The following DDX10 variants were observed in gnomAD, a reference collection of about 807,000 sequenced individuals.
The protein encoded by DDX10 is probable ATP-dependent RNA helicase DDX10.
In DDX10, 74 loss-of-function variants were observed where a neutral mutation model predicts 104.3. That is an observed-to-expected ratio of 0.71 (90% CI 0.59 to 0.86). The LOEUF is 0.86. Among genes scored for constraint, DDX10 ranks in the 40% least tolerant of loss-of-function variants. The probability of loss-of-function intolerance (pLI) is 0.00; values close to 1 mark genes in which losing one functional copy is unlikely to be tolerated. For missense variants in DDX10, 952 were observed against 1,040.0 expected, an observed-to-expected ratio of 0.92 and a Z score of 1.16; for synonymous variants, 351 against 353.4, an observed-to-expected ratio of 0.99 and a Z score of 0.08.
intron 16 of DDX10, among the ~76,000 whole-genome samples, chr11:108,878,790 G>T (rs945765115): frequency 8.7e-5 from 13 of 149,910 alleles, no homozygotes; most frequent in East Asian, 1.9e-4. Flanking sequence ...TAACATAGTT[G>T]TTTTTTTTTT....
At chr11:108,801,829 A>T (rs1862025376) in intron 13 of DDX10, among the ~76,000 whole-genome samples, 1 of 152,178 alleles carries the variant, frequency 6.6e-6, no homozygotes, top group Admixed American at 6.5e-5. Context: ...TGGTAGAATG[A>T]TTATCTTGAG....
chr11:108,823,538 G>T (rs1487196119), intron 13 of DDX10, among the ~76,000 whole-genome samples: 1 of 152,102 alleles, frequency 6.6e-6, no homozygotes, highest in Non-Finnish European at 1.5e-5. Flanking sequence ...TACAAAAAAT[G>T]GTAACCAGGT....
At chr11:108,836,042 G>T (rs1862551090) in intron 13 of DDX10, among the ~76,000 whole-genome samples, 1 of 152,180 alleles carries the variant, frequency 6.6e-6, no homozygotes, top group Admixed American at 6.5e-5. Context: ...CCTGCCTCCA[G>T]ACCTTGGTGT....
At chr11:108,752,315 T>C (rs773273052) in intron 13 of DDX10, among the ~76,000 whole-genome samples, 3 of 152,088 alleles carry the variant, frequency 2.0e-5, no homozygotes, top group Non-Finnish European at 2.9e-5. Context: ...AGAAAACAAA[T>C]GGTGTCCTAG....
In DDX10 at chr11:108,825,997, TAAAG is replaced by T. The variant is rs570160553; in HGVS notation, c.1966-12447_1966-12444del. Reference sequence around the variant, plus strand: ...AGATATAATTCATGAAGTGTCAAGATAAAGAGTCAAGTATTTCATAAAAATTAAT... The same window carrying T: ...AGATATAATTCATGAAGTGTCAAGATAGTCAAGTATTTCATAAAAATTAAT... On this transcript the variant is annotated intron_variant, in intron 13 of 17. Transcript: ENST00000322536. 3.8e-4 allele frequency among the ~76,000 whole-genome samples: 58 copies of T among 152,060 alleles called. 2 individuals carry two copies. The South Asian group carries it at 0.012, about 31-fold the overall frequency.
At chr11:108,926,545 C>T (rs1176241861) in intron 17 of DDX10, among the ~76,000 whole-genome samples, 1 of 152,128 alleles carries the variant, frequency 6.6e-6, no homozygotes, top group Non-Finnish European at 1.5e-5. Context: ...GAACTCTGAG[C>T]CCATCAATCT....
chr11:108,833,893 A>G (rs891117466), intron 13 of DDX10, among the ~76,000 whole-genome samples: 2 of 152,144 alleles, frequency 1.3e-5, no homozygotes, highest in African/African-American at 4.8e-5. Flanking sequence ...ACTTTTGGAC[A>G]CCCAAACGCC....
At chr11:108,844,638 A>C (rs1862688993) in intron 15 of DDX10, among the ~76,000 whole-genome samples, 1 of 152,094 alleles carries the variant, frequency 6.6e-6, no homozygotes, top group Non-Finnish European at 1.5e-5. Flanking sequence ...CTCAGTGTGG[A>C]ATTAGTAGGT....
At chr11:108,675,529 T>A (rs2094223362) in intron 2 of DDX10, 67 bp from the exon 3 acceptor site, 2 of 1,540,754 alleles carry the variant, frequency 1.3e-6, no homozygotes, top group Admixed American at 2.0e-5. Context: ...GGGACACAAC[T>A]CACTTAGCCT....
At chr11:108,766,565 A>G (rs1398251918) in intron 13 of DDX10, among the ~76,000 whole-genome samples, 1 of 152,176 alleles carries the variant, frequency 6.6e-6, no homozygotes, top group East Asian at 1.9e-4. Flanking sequence ...TACTATTTAG[A>G]TTTGGAGTAA....
intron 13 of DDX10, among the ~76,000 whole-genome samples, chr11:108,789,766 G>A (rs748416602): frequency 7.9e-5 from 12 of 152,162 alleles, no homozygotes; most frequent in Non-Finnish European, 1.6e-4. Context: ...GGAAAACTTT[G>A]TTACTTACAT....
chr11:108,784,840 C>T (rs1861768433), intron 13 of DDX10, among the ~76,000 whole-genome samples: 1 of 152,132 alleles, frequency 6.6e-6, no homozygotes, highest in Non-Finnish European at 1.5e-5. Context: ...ACATTTAAAT[C>T]AGTAATCCAT....
intron 13 of DDX10, among the ~76,000 whole-genome samples, chr11:108,782,594 T>G (rs1400543787): frequency 1.3e-5 from 2 of 152,192 alleles, no homozygotes; most frequent in Non-Finnish European, 2.9e-5. Context: ...TGGCATATCC[T>G]GTGGAGAGAA....
chr11:108,927,846 G>A (rs1863927901), intron 17 of DDX10, among the ~76,000 whole-genome samples: 1 of 152,086 alleles, frequency 6.6e-6, no homozygotes. Flanking sequence ...CACCATGTTA[G>A]CCAGGCCGGT....
intron 6 of DDX10, among the ~76,000 whole-genome samples, chr11:108,686,481 A>G (rs2094244283): frequency 6.6e-6 from 1 of 152,178 alleles, no homozygotes; most frequent in African/African-American, 2.4e-5. Flanking sequence ...AGTTGGAACC[A>G]TACAGTATGG....
Position 108,831,690 on chromosome 11 carries a change from T to C in DDX10, c.1966-6756T>C, listed in dbSNP as rs575735757. 6.6e-5 allele frequency among the ~76,000 whole-genome samples: 10 copies of C among 152,310 alleles called. No individual in the cohort carries two copies. In the East Asian group the frequency reaches 1.3e-3, roughly 21 times the overall value. ...TGATTTTTGCTTTTCATTTAAAATA[T>C]CATTTTTTAACAATAGTTTTATTTT... is the stretch of plus-strand genomic sequence containing the variant. On this transcript the variant is annotated intron_variant, in intron 13 of 17. Transcript: ENST00000322536.
intron 13 of DDX10, among the ~76,000 whole-genome samples, chr11:108,739,788 G>A (rs1201713513): frequency 1.6e-4 from 24 of 152,114 alleles, no homozygotes; most frequent in Admixed American, 1.6e-3. Context: ...GTCAGATGCC[G>A]AGTGAGTATC....
chr11:108,822,371 C>G lies in DDX10; in HGVS notation c.1966-16075C>G, dbSNP rs1295788804. On this transcript the variant is annotated intron_variant, in intron 13 of 17. Coordinates refer to ENST00000322536, the MANE Select transcript of DDX10 (RefSeq NM_004398.4). The stretch of plus-strand genomic sequence containing the variant: ...GCGTTTTTGAGATTAGCTATCAAGT[C>G]TGCCCTTTCTGCCTTCTTCTTAATG... 16 of 401,320 alleles carry G rather than the reference C, an allele frequency of 4.0e-5. 1 individual carries two copies. Among genetic ancestry groups the G allele is most frequent in the Admixed American group, 4.0e-4 (15 of 37,952 alleles). 24.9% of individuals were successfully genotyped at this position (401,320 alleles called of 1,614,324 possible).
rs149059397 is a variant in DDX10, at chr11:108,873,225, T to G, written c.2304+21016T>G. ...AAATTGAGTCATGGTATATTGTTTT[T>G]CCAGGTGGGTAGACAAGGATGTCTT... is the stretch of plus-strand genomic sequence containing the variant. On this transcript the variant is annotated intron_variant, in intron 16 of 17. Coordinates refer to ENST00000322536, the MANE Select transcript of DDX10 (RefSeq NM_004398.4). Among the ~76,000 whole-genome samples the G allele has an allele frequency of 2.0e-5, 3 of 152,282 alleles. No individual in the cohort carries two copies. The East Asian group carries it at 5.8e-4, about 29-fold the overall frequency.
Sources: gnomAD v4.1 joint callset for allele counts (sites outside exome capture counted in the v4.1 genomes callset) on GRCh38, gnomAD v4.1.1 for gene constraint, MANE v1.5 for transcripts, NCBI Gene and HGNC (gene_info 2026-07-23, HGNC 2026-07-21) for gene names.